The following CCBE1 variants were observed in gnomAD, a reference collection of about 807,000 sequenced individuals.
The protein encoded by CCBE1 is collagen and calcium-binding EGF domain-containing protein 1.
CCBE1 carries 37 observed loss-of-function variants against 50.0 expected under a neutral mutation model. The ratio of observed to expected loss-of-function variants is 0.74; its 90% CI spans 0.57 to 0.97. CCBE1 has a LOEUF of 0.97. CCBE1 is among the 50% of genes least tolerant of loss of function. The pLI, the probability that CCBE1 is intolerant of heterozygous loss-of-function variation, is 0.00. For synonymous variants in CCBE1, 234 were observed against 203.7 expected, an observed-to-expected ratio of 1.15 and a Z score of -1.27; for missense variants, 538 against 523.8, an observed-to-expected ratio of 1.03 and a Z score of -0.26.
intron 2 of CCBE1, among the ~76,000 whole-genome samples, chr18:59,567,580 G>A (rs961370099): frequency 2.0e-5 from 3 of 152,186 alleles, no homozygotes; most frequent in East Asian, 1.9e-4. Context: ...CCCATCCCAC[G>A]CTGCAACCCA....
In CCBE1 at chr18:59,625,159, T is replaced by C. The variant is rs369310663; in HGVS notation, c.212+71470A>G. Among the ~76,000 whole-genome samples the C allele has an allele frequency of 5.4e-3, 823 of 152,226 alleles. 9 individuals are homozygous for C. Among genetic ancestry groups the C allele is most frequent in the African/African-American group, 0.019 (773 of 41,530 alleles). ...AAAAATTGTAGCCATAGGCCGGGCGTGGTGGCTCCCACCTGTAATCCCAGC... is the reference window on the plus strand; with the variant it reads ...AAAAATTGTAGCCATAGGCCGGGCGCGGTGGCTCCCACCTGTAATCCCAGC... On this transcript the variant is annotated intron_variant, in intron 2 of 10. Transcript: ENST00000439986.
chr18:59,489,356 C>G (rs1912978918), intron 2 of CCBE1, among the ~76,000 whole-genome samples: 1 of 152,234 alleles, frequency 6.6e-6, no homozygotes, highest in Admixed American at 6.5e-5. Flanking sequence ...GCCAGAGCCC[C>G]AAGGGGCTTT....
intron 2 of CCBE1, among the ~76,000 whole-genome samples, chr18:59,654,747 G>A (rs559862348): frequency 2.7e-5 from 4 of 147,908 alleles, no homozygotes; most frequent in East Asian, 2.0e-4. Flanking sequence ...AGCCAAGATC[G>A]TGCCACTGCG....
chr18:59,532,975 G>C (rs1915108834), intron 2 of CCBE1, among the ~76,000 whole-genome samples: 1 of 152,162 alleles, frequency 6.6e-6, no homozygotes, highest in African/African-American at 2.4e-5. Flanking sequence ...ACCTCTCACG[G>C]AGTATGGAGA....
intron 6 of CCBE1, among the ~76,000 whole-genome samples, chr18:59,453,325 T>C (rs546067919): frequency 6.6e-6 from 1 of 152,326 alleles, no homozygotes; most frequent in East Asian, 1.9e-4. Context: ...TCTGGGTTTG[T>C]TCAATACAAC....
intron 2 of CCBE1, among the ~76,000 whole-genome samples, chr18:59,658,330 A>C (rs1484286186): frequency 5.1e-5 from 1 of 19,624 alleles, no homozygotes; most frequent in Non-Finnish European, 8.7e-5. Flanking sequence ...CTAAAAAAAA[A>C]AAAAAAAAAA....
At chr18:59,500,063 G>A (rs934936501) in intron 2 of CCBE1, among the ~76,000 whole-genome samples, 4 of 152,174 alleles carry the variant, frequency 2.6e-5, no homozygotes, top group Admixed American at 6.5e-5. Flanking sequence ...TCTTCAGCAG[G>A]GGCTGCCTGA....
intron 2 of CCBE1, among the ~76,000 whole-genome samples, chr18:59,514,300 G>T (rs561814108): frequency 6.6e-6 from 1 of 152,254 alleles, no homozygotes; most frequent in South Asian, 2.1e-4. Context: ...CGTTTAATAA[G>T]TGCTGACTGC....
chr18:59,448,159 C>G, intron 6 of CCBE1, 56 bp from the exon 7 acceptor site: 1 of 1,609,576 alleles, frequency 6.2e-7, no homozygotes, highest in South Asian at 1.1e-5. Context: ...AGAGCCTCGG[C>G]ATTTGTCTTG....
chr18:59,481,818 A>G (rs1169925176), intron 2 of CCBE1, among the ~76,000 whole-genome samples: 1 of 152,254 alleles, frequency 6.6e-6, no homozygotes, highest in Non-Finnish European at 1.5e-5. Context: ...TCTTCAGGCT[A>G]ACAGGAGATG....
At chr18:59,439,952 C>T in intron 7 of CCBE1, 136 bp from the exon 8 acceptor site, 1 of 904,214 alleles carries the variant, frequency 1.1e-6, no homozygotes, top group Non-Finnish European at 1.7e-6. Flanking sequence ...CTCCATCAGG[C>T]TGTCCCACAG....
chr18:59,504,929 C>A (rs999838060), intron 2 of CCBE1, among the ~76,000 whole-genome samples: 1 of 152,114 alleles, frequency 6.6e-6, no homozygotes, highest in Non-Finnish European at 1.5e-5. Flanking sequence ...GCAGAGAGGA[C>A]ACTGCCATGG....
chr18:59,493,712 G>A (rs1007229318), intron 2 of CCBE1, among the ~76,000 whole-genome samples: 5 of 152,176 alleles, frequency 3.3e-5, no homozygotes, highest in Admixed American at 1.3e-4. Flanking sequence ...TTTGGTAAAC[G>A]AGCAATGTGG....
intron 2 of CCBE1, among the ~76,000 whole-genome samples, chr18:59,660,593 C>A (rs930352596): frequency 6.6e-6 from 1 of 152,238 alleles, no homozygotes; most frequent in East Asian, 1.9e-4. Flanking sequence ...ATAAATACTG[C>A]CCAAGTTCTC....
At chr18:59,617,271 C>T (rs765820559) in intron 2 of CCBE1, among the ~76,000 whole-genome samples, 39 of 152,334 alleles carry the variant, frequency 2.6e-4, no homozygotes, top group Non-Finnish European at 2.4e-4. Flanking sequence ...CCATTATTAC[C>T]TGCAAGCTTT....
intron 2 of CCBE1, among the ~76,000 whole-genome samples, chr18:59,576,309 TTGA>T (rs1157497112): frequency 2.6e-5 from 4 of 152,218 alleles, no homozygotes; most frequent in Admixed American, 2.6e-4. Flanking sequence ...GCCAGGTCAC[TTGA>T]TGAGTGTGAA....
At chr18:59,629,176 T>A (rs1434641746) in intron 2 of CCBE1, among the ~76,000 whole-genome samples, 1 of 152,198 alleles carries the variant, frequency 6.6e-6, no homozygotes, top group East Asian at 1.9e-4. Context: ...CTACTCATGA[T>A]ACTCAGTGAG....
At chr18:59,640,156 C>T (rs2053967636) in intron 2 of CCBE1, among the ~76,000 whole-genome samples, 1 of 152,114 alleles carries the variant, frequency 6.6e-6, no homozygotes, top group South Asian at 2.1e-4. Flanking sequence ...ATTATGGAGC[C>T]AAGAACGAGT....
intron 2 of CCBE1, among the ~76,000 whole-genome samples, chr18:59,605,966 T>C (rs1196184126): frequency 6.6e-6 from 1 of 152,170 alleles, no homozygotes; most frequent in Non-Finnish European, 1.5e-5. Flanking sequence ...GAAATCGCGA[T>C]GCTCGAATGT....
Sources: gnomAD v4.1 joint callset for allele counts (sites outside exome capture counted in the v4.1 genomes callset) on GRCh38, gnomAD v4.1.1 for gene constraint, MANE v1.5 for transcripts, NCBI Gene and HGNC (gene_info 2026-07-23, HGNC 2026-07-21) for gene names.